The following LGR4 variants were observed in gnomAD, a reference collection of about 807,000 sequenced individuals.
LGR4 encodes the protein leucine-rich repeat-containing G protein-coupled receptor 4.
In LGR4, 44 loss-of-function variants were observed where a neutral mutation model predicts 84.8. The ratio of observed to expected loss-of-function variants is 0.52; its 90% CI spans 0.41 to 0.67. LGR4 has a LOEUF of 0.67. Among genes scored for constraint, LGR4 ranks in the 30% least tolerant of loss-of-function variants. The pLI is 0.00. For missense variants in LGR4, 1,032 were observed against 1,131.4 expected (o/e 0.91, Z 1.26); for synonymous variants, 429 against 434.3 (o/e 0.99, Z 0.15).
At chr11:27,405,243 ATTTC>A (rs1863582486) in intron 2 of LGR4, among the ~76,000 whole-genome samples, 1 of 150,488 alleles carries the variant, frequency 6.6e-6, no homozygotes, top group South Asian at 2.1e-4. Context: ...TTGATCTCTC[ATTTC>A]TTTGTGAAAA....
chr11:27,461,440 A>G (rs934836084), intron 1 of LGR4, among the ~76,000 whole-genome samples: 1 of 152,184 alleles, frequency 6.6e-6, no homozygotes, highest in Non-Finnish European at 1.5e-5. Flanking sequence ...TAATCTGCAT[A>G]TTTCTAGAAC....
chr11:27,372,112 G>A (rs908964977), intron 16 of LGR4, among the ~76,000 whole-genome samples, 171 bp downstream of exon 16: 5 of 152,038 alleles, frequency 3.3e-5, no homozygotes, highest in Non-Finnish European at 7.4e-5. Flanking sequence ...TGACCCTCCC[G>A]CCTTGGCCTC....
At chr11:27,456,740 T>C (rs1183728211) in intron 1 of LGR4, among the ~76,000 whole-genome samples, 3 of 152,012 alleles carry the variant, frequency 2.0e-5, no homozygotes, top group Admixed American at 6.5e-5. Flanking sequence ...TGAAAGCTTT[T>C]AAACAAGTAT....
At position 27,367,999 on chromosome 11, in the gene LGR4, A is replaced by G. The variant is rs1357789300; in HGVS notation, c.2724T>C (p.Tyr908=). The part of the protein sequence containing the change: ...DCGTQSAHSD[Y]ADEEDSFVSD... ...AGACAAAGGAATCTTCTTCATCTGCATAATCAGAGTGGGCCGACTGTGTGC... is the reference window on the plus strand; with the variant it reads ...AGACAAAGGAATCTTCTTCATCTGCGTAATCAGAGTGGGCCGACTGTGTGC... Residue 908 remains tyrosine (Y), a synonymous_variant, in exon 18 of 18, where the codon TAT becomes TAC. Transcript: ENST00000379214. The G allele has an allele frequency of 5.0e-6, 8 of 1,614,014 alleles. No homozygotes were observed. The South Asian group carries it at 5.5e-5, about 11-fold the overall frequency.
chr11:27,430,493 C>T (rs891909064), intron 1 of LGR4, among the ~76,000 whole-genome samples: 5 of 152,178 alleles, frequency 3.3e-5, no homozygotes, highest in African/African-American at 1.2e-4. Context: ...GTTATCTGTG[C>T]TTCTCTGTTT....
chr11:27,384,204 T>G, intron 6 of LGR4, 132 bp downstream of exon 6: 1 of 634,714 alleles, frequency 1.6e-6, no homozygotes, highest in South Asian at 2.0e-5. Context: ...ATAGCAAGAA[T>G]TTAATCCAGT....
At chr11:27,405,187 G>A (rs951563025) in intron 2 of LGR4, among the ~76,000 whole-genome samples, 22 of 152,134 alleles carry the variant, frequency 1.4e-4, no homozygotes, top group African/African-American at 5.3e-4. Context: ...AAGAAGTCAA[G>A]GCCCTTTCTC....
chr11:27,384,198 C>T (rs1464812489), intron 6 of LGR4, 138 bp downstream of exon 6: 6 of 613,744 alleles, frequency 9.8e-6, no homozygotes, highest in African/African-American at 9.2e-5. Context: ...TATTTGATAG[C>T]AAGAATTTAA....
At chr11:27,408,189 T>G (rs933317095) in intron 2 of LGR4, among the ~76,000 whole-genome samples, 14 of 152,168 alleles carry the variant, frequency 9.2e-5, no homozygotes, top group Non-Finnish European at 2.1e-4. Flanking sequence ...TGTTTTTATT[T>G]GATTTTAAAC....
At chr11:27,377,978 G>A (rs946448763) in intron 11 of LGR4, among the ~76,000 whole-genome samples, 1 of 152,120 alleles carries the variant, frequency 6.6e-6, no homozygotes, top group South Asian at 2.1e-4. Context: ...ATTCAGTACA[G>A]TATTATGCTG....
Position 27,368,718 on chromosome 11 carries a change from C to T in LGR4, c.2005G>A (p.Ala669Thr). The T allele has an allele frequency of 6.2e-7, 1 of 1,613,590 alleles. No individual in the cohort carries two copies. The highest frequency in any genetic ancestry group is 8.5e-7 in the Non-Finnish European group (1 of 1,179,834). ...CCTGCTACTGTAGCACCTAGGAAAG[C>T]CAAAAGGGCAGCAACCCGGAACTGT... ...LKQFRVAALL[A>T]FLGATVAGCF... The change falls in exon 18 of 18, where the codon GCT (alanine) becomes ACT (threonine). Residue 669 changes from alanine (A) to threonine (T), a missense_variant. By Grantham distance (58) the Ala-to-Thr change is moderately conservative. Coordinates refer to ENST00000379214, the MANE Select transcript of LGR4 (RefSeq NM_018490.5).
At position 27,422,283 on chromosome 11, in the gene LGR4, T is replaced by C. The variant is rs193142117; in HGVS notation, c.186-9423A>G. ...CTAATTAACTAAATGGGTTATGTTT[T>C]ATTATGGCTACACTTATTAACGCGA... is the stretch of plus-strand genomic sequence containing the variant. On this transcript the variant is annotated intron_variant, in intron 1 of 17. Coordinates refer to ENST00000379214, the MANE Select transcript of LGR4 (RefSeq NM_018490.5). Among the ~76,000 whole-genome samples the C allele has an allele frequency of 3.9e-3, 597 of 152,342 alleles. 15 individuals are homozygous for C. The highest frequency in any genetic ancestry group is 0.035 in the Admixed American group (528 of 15,292).
chr11:27,420,675 A>G (rs1329781586), intron 1 of LGR4, among the ~76,000 whole-genome samples: 2 of 152,118 alleles, frequency 1.3e-5, no homozygotes, highest in Non-Finnish European at 2.9e-5. Flanking sequence ...ACACCTATAT[A>G]TGTATATGGT....
intron 1 of LGR4, among the ~76,000 whole-genome samples, chr11:27,467,623 A>G (rs1192923417): frequency 6.6e-6 from 1 of 152,064 alleles, no homozygotes; most frequent in African/African-American, 2.4e-5. Flanking sequence ...CACTTTTGGC[A>G]GTTAAGAGTT....
At chr11:27,464,606 A>G (rs751833065) in intron 1 of LGR4, among the ~76,000 whole-genome samples, 5 of 152,154 alleles carry the variant, frequency 3.3e-5, no homozygotes, top group Non-Finnish European at 7.3e-5. Context: ...GCCTGAGGGG[A>G]GTGGAGAAGT....
intron 2 of LGR4, among the ~76,000 whole-genome samples, 188 bp downstream of exon 2, chr11:27,412,601 C>T (rs1400007849): frequency 1.3e-5 from 2 of 152,100 alleles, no homozygotes; most frequent in Non-Finnish European, 1.5e-5. Context: ...AAAATAGCTT[C>T]AGCAACTATG....
At chr11:27,387,619 G>A (rs923981034) in intron 4 of LGR4, among the ~76,000 whole-genome samples, 3 of 152,060 alleles carry the variant, frequency 2.0e-5, no homozygotes, top group African/African-American at 7.2e-5. Flanking sequence ...CAGGAGGAGG[G>A]GAGTAGAGGG....
intron 1 of LGR4, among the ~76,000 whole-genome samples, chr11:27,445,999 G>T (rs917658723): frequency 6.6e-6 from 1 of 152,174 alleles, no homozygotes; most frequent in African/African-American, 2.4e-5. Context: ...AAGACAATCT[G>T]TCTATGTCCT....
At chr11:27,420,810 T>C (rs958901424) in intron 1 of LGR4, among the ~76,000 whole-genome samples, 2 of 152,044 alleles carry the variant, frequency 1.3e-5, no homozygotes, top group Non-Finnish European at 2.9e-5. Context: ...AAGAATATCA[T>C]GTGTGAAAGC....
Sources: gnomAD v4.1 joint callset for allele counts (sites outside exome capture counted in the v4.1 genomes callset) on GRCh38, gnomAD v4.1.1 for gene constraint, MANE v1.5 for transcripts, NCBI Gene and HGNC (gene_info 2026-07-23, HGNC 2026-07-21) for gene names.